The following PTPRD variants were observed in gnomAD, a reference collection of about 807,000 sequenced individuals.
PTPRD encodes receptor-type tyrosine-protein phosphatase delta.
A neutral mutation model predicts 214.5 loss-of-function variants in PTPRD; 34 were observed. That is an observed-to-expected ratio of 0.16 (90% CI 0.12 to 0.21). The LOEUF (loss-of-function observed/expected upper bound fraction) is 0.21. PTPRD is among the 10% of genes least tolerant of loss of function. The pLI, the probability that PTPRD is intolerant of heterozygous loss-of-function variation, is 1.00. For missense variants in PTPRD, 2,545 were observed against 2,398.7 expected, an observed-to-expected ratio of 1.06 and a Z score of -1.27; for synonymous variants, 1,128 against 845.7, an observed-to-expected ratio of 1.33 and a Z score of -5.79.
intron 7 of PTPRD, among the ~76,000 whole-genome samples, chr9:9,602,359 T>G (rs2154338481): frequency 6.6e-6 from 1 of 152,160 alleles, no homozygotes; most frequent in Non-Finnish European, 1.5e-5. Context: ...ATCCCTCTAA[T>G]ATATTTAATT....
rs145809109 is a variant in PTPRD, at chr9:9,522,184, A to G, written c.-237+52548T>C. ...AAAAAAAAAAAAAAAAAAAAAGCTTAAATCAGTCTATAATTTTGCATATTC... is the reference window on the plus strand; with the variant it reads ...AAAAAAAAAAAAAAAAAAAAAGCTTGAATCAGTCTATAATTTTGCATATTC... On this transcript the variant is annotated intron_variant, in intron 8 of 45. Coordinates refer to ENST00000381196, the MANE Select transcript of PTPRD (RefSeq NM_002839.4). Among the ~76,000 whole-genome samples the G allele has an allele frequency of 1.3e-3, 192 of 149,784 alleles. 1 individual carries two copies. The highest frequency in any genetic ancestry group is 4.4e-3 in the African/African-American group (181 of 40,822).
chr9:8,611,898 C>A (rs2095463684), intron 14 of PTPRD, among the ~76,000 whole-genome samples: 1 of 140,792 alleles, frequency 7.1e-6, no homozygotes, highest in Non-Finnish European at 1.5e-5. Context: ...TTAACTACTC[C>A]TTTTTGTACC....
intron 4 of PTPRD, among the ~76,000 whole-genome samples, chr9:9,965,221 G>A (rs1247907337): frequency 6.6e-6 from 1 of 152,118 alleles, no homozygotes; most frequent in Non-Finnish European, 1.5e-5. Flanking sequence ...AAAATAAACT[G>A]CTGTGGAACC....
chr9:10,218,555 T>C (rs1323220207), intron 3 of PTPRD, among the ~76,000 whole-genome samples: 1 of 151,904 alleles, frequency 6.6e-6, no homozygotes, highest in Non-Finnish European at 1.5e-5. Context: ...CAAAGTCACC[T>C]ACTTACCTTT....
At chr9:9,293,987 G>A (rs1228757405) in intron 9 of PTPRD, among the ~76,000 whole-genome samples, 2 of 151,304 alleles carry the variant, frequency 1.3e-5, no homozygotes, top group Non-Finnish European at 3.0e-5. Flanking sequence ...TGCACTTTGG[G>A]GTCATTATTA....
chr9:8,749,570 A>C (rs368183186), intron 11 of PTPRD, among the ~76,000 whole-genome samples: 20 of 152,316 alleles, frequency 1.3e-4, no homozygotes, highest in African/African-American at 4.6e-4. Context: ...ACCAATCTCT[A>C]TGTGACAGCT....
intron 36 of PTPRD, among the ~76,000 whole-genome samples, chr9:8,401,331 T>G (rs898295885): frequency 2.0e-5 from 3 of 151,842 alleles, no homozygotes; most frequent in African/African-American, 7.3e-5. Context: ...TACTAGCGAG[T>G]TTTTTGTAGA....
At chr9:9,788,558 A>AG (rs2098943667) in intron 5 of PTPRD, among the ~76,000 whole-genome samples, 1 of 151,236 alleles carries the variant, frequency 6.6e-6, no homozygotes, top group Non-Finnish European at 1.5e-5. Context: ...TCTCAAAAAA[A>AG]AAAAAAAGAA....
chr9:10,600,871 T>G (rs1658721095), intron 2 of PTPRD, among the ~76,000 whole-genome samples: 1 of 151,670 alleles, frequency 6.6e-6, no homozygotes, highest in South Asian at 2.1e-4. Context: ...GAAGAGAAAA[T>G]GCATATAATA....
At position 10,070,060 on chromosome 9, in the gene PTPRD, T is replaced by A. The variant is rs1443272583; in HGVS notation, c.-544-36270A>T. ...ATTTTTGGTGTGAAGCAGGGGAATGTCAAAGATTAATAACAACAAAAAAGG... is the reference window on the plus strand; with the variant it reads ...ATTTTTGGTGTGAAGCAGGGGAATGACAAAGATTAATAACAACAAAAAAGG... On this transcript the variant is annotated intron_variant, in intron 3 of 45. Transcript: ENST00000381196. Among the ~76,000 whole-genome samples, 4 of 151,996 alleles carry A rather than the reference T, an allele frequency of 2.6e-5. No individual in the cohort carries two copies. In the East Asian group the frequency reaches 7.7e-4, roughly 29 times the overall value.
chr9:10,549,522 G>A (rs1412572555), intron 2 of PTPRD, among the ~76,000 whole-genome samples: 1 of 152,138 alleles, frequency 6.6e-6, no homozygotes, highest in Non-Finnish European at 1.5e-5. Flanking sequence ...GAGATTAGGT[G>A]CAACTTGGAG....
At chr9:9,280,138 A>T (rs1414502908) in intron 9 of PTPRD, among the ~76,000 whole-genome samples, 3 of 151,294 alleles carry the variant, frequency 2.0e-5, no homozygotes, top group Non-Finnish European at 3.0e-5. Context: ...GAAAATCTGC[A>T]CATGACAAAT....
chr9:9,236,930 G>T (rs1047558202), intron 9 of PTPRD, among the ~76,000 whole-genome samples: 2 of 152,074 alleles, frequency 1.3e-5, no homozygotes, highest in Non-Finnish European at 2.9e-5. Context: ...TGAAAAGGCT[G>T]CACCTTTTTG....
chr9:9,182,643 G>C (rs370345563), intron 10 of PTPRD, among the ~76,000 whole-genome samples: 61 of 151,976 alleles, frequency 4.0e-4, no homozygotes, highest in African/African-American at 1.3e-3. Flanking sequence ...CCTTGGCAGA[G>C]GATTTTAAAC....
intron 3 of PTPRD, among the ~76,000 whole-genome samples, chr9:10,203,169 CTT>C (rs60069193): frequency 5.1e-4 from 61 of 119,832 alleles, no homozygotes; most frequent in East Asian, 4.8e-3. Context: ...CCCTCTCTCT[CTT>C]TTTTTTTTTT....
chr9:9,687,400 G>T (rs1432075467), intron 7 of PTPRD, among the ~76,000 whole-genome samples: 1 of 151,768 alleles, frequency 6.6e-6, no homozygotes, highest in African/African-American at 2.4e-5. Context: ...CTCTTGAGCT[G>T]TTTCTCAGGG....
chr9:8,372,742 T>C (rs1328355094), intron 39 of PTPRD, among the ~76,000 whole-genome samples: 2 of 152,018 alleles, frequency 1.3e-5, no homozygotes, highest in East Asian at 3.9e-4. Flanking sequence ...TCCCTAAAAT[T>C]CTTTTTTGTT....
chr9:9,688,591 C>A (rs570911087), intron 7 of PTPRD, among the ~76,000 whole-genome samples: 2 of 151,842 alleles, frequency 1.3e-5, no homozygotes, highest in East Asian at 1.9e-4. Context: ...ATGAGTACGA[C>A]AAAGTTTGCG....
chr9:9,497,341 C>G (rs962611692), intron 8 of PTPRD, among the ~76,000 whole-genome samples: 1 of 152,138 alleles, frequency 6.6e-6, no homozygotes, highest in Non-Finnish European at 1.5e-5. Context: ...ACAGTCCAAT[C>G]TATCAAATTT....
Sources: gnomAD v4.1 joint callset for allele counts (sites outside exome capture counted in the v4.1 genomes callset) on GRCh38, gnomAD v4.1.1 for gene constraint, MANE v1.5 for transcripts, NCBI Gene and HGNC (gene_info 2026-07-23, HGNC 2026-07-21) for gene names.